GRIP1: variants seen among roughly 807,000 people sequenced by gnomAD.
GRIP1 encodes the protein glutamate receptor interacting protein 1.
A neutral mutation model predicts 129.9 loss-of-function variants in GRIP1; 45 were observed. That is an observed-to-expected ratio of 0.35 (90% CI 0.27 to 0.44). GRIP1 has a LOEUF of 0.44. Among genes scored for constraint, GRIP1 ranks in the 20% least tolerant of loss-of-function variants. The pLI is 1.00. For missense variants in GRIP1, 1,196 were observed against 1,396.8 expected, an observed-to-expected ratio of 0.86 and a Z score of 2.29; for synonymous variants, 530 against 520.8, an observed-to-expected ratio of 1.02 and a Z score of -0.24.
intron 1 of GRIP1, among the ~76,000 whole-genome samples, chr12:66,685,930 A>T (rs982056613): frequency 6.6e-6 from 1 of 152,200 alleles, no homozygotes; most frequent in African/African-American, 2.4e-5. Context: ...AACAGTACCT[A>T]GCACATAGCG....
At chr12:66,473,822 C>T (rs186613904) in intron 7 of GRIP1, among the ~76,000 whole-genome samples, 3 of 152,148 alleles carry the variant, frequency 2.0e-5, no homozygotes, top group Non-Finnish European at 4.4e-5. Flanking sequence ...AAACTCCAAC[C>T]GAAGGTCACC....
At chr12:66,584,679 G>A (rs1413857736) in intron 2 of GRIP1, among the ~76,000 whole-genome samples, 1 of 152,146 alleles carries the variant, frequency 6.6e-6, no homozygotes, top group Non-Finnish European at 1.5e-5. Flanking sequence ...AGAAGGGTAA[G>A]TTTAATTTGT....
intron 1 of GRIP1, among the ~76,000 whole-genome samples, chr12:66,886,243 G>A (rs1439317092): frequency 6.6e-6 from 1 of 152,150 alleles, no homozygotes; most frequent in Non-Finnish European, 1.5e-5. Context: ...TTCAGCCTGG[G>A]TGACAGAGTG....
rs2139760667 is a variant in GRIP1, at chr12:66,596,900, C to T, written c.83G>A (p.Ser28Asn). ...KDESPYTKSA[S>N]QTKPPDGALA... is the part of the protein sequence containing the mutation. ...CGCTCCATCAGGCGGCTTTGTCTGG[C>T]TGGCGGATTTAGTGTAGGGACTCTC... The change falls in exon 2 of 25, where the codon AGC (serine) becomes AAC (asparagine). Residue 28 changes from serine (S) to asparagine (N), a missense_variant. Around this residue, in one of 5 missense-constraint regions of GRIP1, gnomAD observed 217 missense variants for 224.8 expected, o/e 0.97. Transcript: ENST00000359742. 1 of 1,613,602 alleles carries T rather than the reference C, an allele frequency of 6.2e-7. No individual in the cohort carries two copies. Among genetic ancestry groups the T allele is most frequent in the Non-Finnish European group, 8.5e-7 (1 of 1,179,518 alleles).
intron 23 of GRIP1, among the ~76,000 whole-genome samples, chr12:66,368,799 T>G (rs971076580): frequency 3.9e-5 from 6 of 152,168 alleles, no homozygotes; most frequent in African/African-American, 1.4e-4. Context: ...ACACCCACAT[T>G]CAACACACAC....
At chr12:66,898,079 C>T (rs2137257957) in intron 1 of GRIP1, among the ~76,000 whole-genome samples, 1 of 152,270 alleles carries the variant, frequency 6.6e-6, no homozygotes, top group South Asian at 2.1e-4. Context: ...TGTCCAAATA[C>T]TATGTTCCAC....
At chr12:66,900,829 T>A (rs1229706723) in intron 1 of GRIP1, among the ~76,000 whole-genome samples, 1 of 152,190 alleles carries the variant, frequency 6.6e-6, no homozygotes, top group Non-Finnish European at 1.5e-5. Flanking sequence ...CATTGCCAAC[T>A]GGAAAAACAT....
chr12:66,638,010 T>G (rs2031566060), intron 1 of GRIP1, among the ~76,000 whole-genome samples: 1 of 152,230 alleles, frequency 6.6e-6, no homozygotes, highest in African/African-American at 2.4e-5. Context: ...TTTTGTACGC[T>G]GTCAGCCAAG....
intron 1 of GRIP1, among the ~76,000 whole-genome samples, chr12:66,603,839 T>C (rs574644667): frequency 3.9e-5 from 6 of 152,326 alleles, no homozygotes; most frequent in South Asian, 4.1e-4. Context: ...GGCTGAATTA[T>C]AGGAGTAACT....
chr12:66,457,412 C>T (rs535880488), intron 9 of GRIP1, among the ~76,000 whole-genome samples: 3 of 152,232 alleles, frequency 2.0e-5, no homozygotes, highest in Middle Eastern at 3.4e-3. Flanking sequence ...GCACTACAGG[C>T]CCACGCCACC....
chr12:66,654,809 G>A (rs1190192299), intron 1 of GRIP1, among the ~76,000 whole-genome samples: 2 of 152,082 alleles, frequency 1.3e-5, no homozygotes, highest in Non-Finnish European at 2.9e-5. Context: ...AATTCATAAG[G>A]AACAGATTGG....
intron 7 of GRIP1, among the ~76,000 whole-genome samples, chr12:66,474,369 G>C (rs1057115689): frequency 9.2e-5 from 14 of 152,128 alleles, no homozygotes; most frequent in African/African-American, 3.4e-4. Context: ...ACCTGAAAGT[G>C]ACAGAGAGAA....
Position 66,638,223 on chromosome 12 carries a change from C to T in GRIP1, c.55+40627G>A, listed in dbSNP as rs115549237. Among the ~76,000 whole-genome samples the T allele has an allele frequency of 5.2e-3, 785 of 152,164 alleles. 8 individuals are homozygous for T. Among genetic ancestry groups the T allele is most frequent in the African/African-American group, 0.018 (752 of 41,488 alleles). ...AGTAAAAGGTTATGAATATTGAAAC[C>T]CCTAACAAATACCATATTTTGCATT... is the stretch of plus-strand genomic sequence containing the variant. On this transcript the variant is annotated intron_variant, in intron 1 of 24. Coordinates refer to ENST00000359742, the MANE Select transcript of GRIP1 (RefSeq NM_001366722.1).
At chr12:66,936,811 T>C (rs1474863918) in intron 1 of GRIP1, among the ~76,000 whole-genome samples, 1 of 152,114 alleles carries the variant, frequency 6.6e-6, no homozygotes, top group African/African-American at 2.4e-5. Flanking sequence ...AACCACAAAA[T>C]TAGCATGCGT....
chr12:66,421,625 G>T, intron 14 of GRIP1, among the ~76,000 whole-genome samples: 1 of 148,372 alleles, frequency 6.7e-6, no homozygotes, highest in African/African-American at 2.5e-5. Context: ...TTTAAATTCT[G>T]CTCACAAATT....
intron 1 of GRIP1, among the ~76,000 whole-genome samples, chr12:66,870,515 A>G (rs2040278011): frequency 6.6e-6 from 1 of 152,154 alleles, no homozygotes; most frequent in African/African-American, 2.4e-5. Context: ...GATGTGGTAT[A>G]AAAGCTTAAA....
At chr12:66,352,945 C>T (rs1326851874) in intron 24 of GRIP1, among the ~76,000 whole-genome samples, 11 of 152,018 alleles carry the variant, frequency 7.2e-5, no homozygotes, top group South Asian at 2.1e-4. Flanking sequence ...AGTGACAGAG[C>T]GAGACTCTGT....
intron 1 of GRIP1, among the ~76,000 whole-genome samples, chr12:67,035,849 T>C (rs973472307): frequency 6.6e-6 from 1 of 152,186 alleles, no homozygotes; most frequent in Non-Finnish European, 1.5e-5. Context: ...ACTATCTATT[T>C]ACGTGCATTT....
intron 13 of GRIP1, among the ~76,000 whole-genome samples, chr12:66,442,147 C>T (rs1450930464): frequency 1.3e-5 from 2 of 152,214 alleles, no homozygotes; most frequent in East Asian, 3.9e-4. Context: ...TGCTCCATGG[C>T]TTCATTACAC....
Sources: gnomAD v4.1 joint callset for allele counts (sites outside exome capture counted in the v4.1 genomes callset) on GRCh38, gnomAD v4.1.1 for gene constraint, gnomAD v4.1.1 regional missense constraint, MANE v1.5 for transcripts, NCBI Gene and HGNC (gene_info 2026-07-23, HGNC 2026-07-21) for gene names.